Variants in PDE6A observed in about 807,000 individuals in gnomAD.
PDE6A encodes the protein phosphodiesterase 6A, also known as rod cGMP-specific 3',5'-cyclic phosphodiesterase subunit alpha.
PDE6A carries 84 observed loss-of-function variants against 106.3 expected under a neutral mutation model. That is an observed-to-expected ratio of 0.79 (90% CI 0.66 to 0.95). The LOEUF (loss-of-function observed/expected upper bound fraction) is 0.95. Among genes scored for constraint, PDE6A ranks in the 40% least tolerant of loss-of-function variants. The pLI is 0.00. For missense variants in PDE6A, 1,052 were observed against 1,084.9 expected (o/e 0.97, Z 0.43); for synonymous variants, 394 against 386.6 (o/e 1.02, Z -0.23).
chr5:149,862,986 C>T (rs1309626527), intron 21 of PDE6A, 133 bp downstream of exon 21: 52 of 1,121,544 alleles, frequency 4.6e-5, no homozygotes, highest in South Asian at 3.5e-4. Context: ...TGCTCTCACA[C>T]ACAGAATGGG....
intron 3 of PDE6A, chr5:149,932,710 A>G: frequency 1.3e-6 from 2 of 1,534,810 alleles, no homozygotes; most frequent in Non-Finnish European, 1.8e-6. Flanking sequence ...CACTCACCAA[A>G]TGTGTACCAA....
At chr5:149,871,706 A>C (rs1760562661) in intron 17 of PDE6A, among the ~76,000 whole-genome samples, 1 of 152,174 alleles carries the variant, frequency 6.6e-6, no homozygotes, top group African/African-American at 2.4e-5. Context: ...TTTTCATGCT[A>C]CGAGCAACAG....
At chr5:149,886,185 G>T in intron 14 of PDE6A, 80 bp downstream of exon 14, 1 of 1,042,398 alleles carries the variant, frequency 9.6e-7, no homozygotes. Flanking sequence ...TTCCCTGTTG[G>T]CCAGTGAGTC....
At chr5:149,875,312 G>C (rs923638740) in intron 17 of PDE6A, among the ~76,000 whole-genome samples, 2 of 152,110 alleles carry the variant, frequency 1.3e-5, no homozygotes, top group African/African-American at 4.8e-5. Context: ...AATGTCAACA[G>C]GGCTGAGACT....
In PDE6A at chr5:149,884,863, G is replaced by A. The variant is rs1752223896; in HGVS notation, c.1843C>T (p.Gln615Ter). ...GTNNLYQMKSQNPLAKLHGSS... is the reference protein window; with the variant it reads ...GTNNLYQMKS ...CCATGGAGCTTGGCCAGTGGGTTCT[G>A]GGATCTGAATGAGAAAGAGAGAGAA... Residue 615 changes from glutamine (Q) to a stop codon, truncating the protein, a stop_gained, in exon 15 of 22, where the codon CAG becomes TAG. Coordinates refer to ENST00000255266, the MANE Select transcript of PDE6A (RefSeq NM_000440.3). LOFTEE classifies it high-confidence loss of function. 1 of 1,612,858 alleles carries A rather than the reference G, an allele frequency of 6.2e-7. No individual in the cohort carries two copies. Among genetic ancestry groups the A allele is most frequent in the African/African-American group, 1.3e-5 (1 of 75,024 alleles).
intron 3 of PDE6A, chr5:149,932,158 C>G (rs1754052619): frequency 4.1e-6 from 5 of 1,220,536 alleles, no homozygotes; most frequent in Admixed American, 3.4e-5. Flanking sequence ...CTTAGTGAAG[C>G]TGCATCTACA....
At chr5:149,879,075 TTATC>T (rs922522241) in intron 17 of PDE6A, among the ~76,000 whole-genome samples, 6 of 152,052 alleles carry the variant, frequency 3.9e-5, no homozygotes, top group African/African-American at 4.8e-5. Context: ...ATTTATTTAT[TTATC>T]TATCTATCTT....
intron 8 of PDE6A, among the ~76,000 whole-genome samples, chr5:149,902,913 T>G (rs1753035171): frequency 6.6e-6 from 1 of 151,252 alleles, no homozygotes; most frequent in South Asian, 2.1e-4. Context: ...AGGTTGTCAT[T>G]GAAGGGCAGA....
chr5:149,892,794 TAGATAG>T (rs143594933), intron 13 of PDE6A, among the ~76,000 whole-genome samples: 11,686 of 152,256 alleles, frequency 0.077, 493 homozygotes, highest in South Asian at 0.18. Flanking sequence ...ATAAAATTTA[TAGATAG>T]AGATAAAGAG....
At chr5:149,904,772 A>G (rs114277270) in intron 7 of PDE6A, among the ~76,000 whole-genome samples, 3 of 151,884 alleles carry the variant, frequency 2.0e-5, no homozygotes, top group Non-Finnish European at 2.9e-5. Flanking sequence ...ATCAGTTACT[A>G]TCATTGTCTC....
intron 13 of PDE6A, among the ~76,000 whole-genome samples, chr5:149,889,014 C>G (rs1752435681): frequency 7.1e-6 from 1 of 140,680 alleles, no homozygotes; most frequent in Non-Finnish European, 1.5e-5. Flanking sequence ...ACCCGGGAGG[C>G]AGAGCTTGCA....
chr5:149,895,532 A>G (rs757017591), intron 12 of PDE6A, among the ~76,000 whole-genome samples: 3 of 151,976 alleles, frequency 2.0e-5, no homozygotes, highest in Non-Finnish European at 4.4e-5. Context: ...TTAGGAAACG[A>G]GGTGAGCATG....
At chr5:149,890,308 G>A (rs1432904345) in intron 13 of PDE6A, among the ~76,000 whole-genome samples, 2 of 151,934 alleles carry the variant, frequency 1.3e-5, no homozygotes, top group Non-Finnish European at 2.9e-5. Flanking sequence ...ATTAACTTTG[G>A]AATTTTTCAG....
At chr5:149,867,851 C>T (rs1760388091) in intron 18 of PDE6A, 52 bp from the exon 19 acceptor site, 1 of 1,533,654 alleles carries the variant, frequency 6.5e-7, no homozygotes, top group Non-Finnish European at 9.0e-7. Flanking sequence ...AGCCCAATCC[C>T]CTACCCCTGC....
chr5:149,919,630 T>G (rs874980), intron 5 of PDE6A, among the ~76,000 whole-genome samples: 46,031 of 152,058 alleles, frequency 0.3, 9,898 homozygotes, highest in African/African-American at 0.6. Context: ...ACTCACTGTA[T>G]CTCAGTCAAA....
chr5:149,868,042 T>G (rs1760396317), intron 18 of PDE6A, 53 bp downstream of exon 18: 2 of 1,550,196 alleles, frequency 1.3e-6, no homozygotes, highest in African/African-American at 1.4e-5. Flanking sequence ...CCTCATGACC[T>G]GATGCCCCCA....
rs1754130412 is a variant in PDE6A, at chr5:149,934,551, C to G, written c.627+15G>C. On this transcript the variant is annotated intron_variant, in intron 2 of 21. Transcript: ENST00000255266. ...GTGCTAGCATGGCTATCCTTAGTCT[C>G]TAAAGCATTCTTACCTCTTCATCTC... 1 of 1,613,824 alleles carries G rather than the reference C, an allele frequency of 6.2e-7. No homozygotes were observed.
intron 13 of PDE6A, among the ~76,000 whole-genome samples, chr5:149,890,931 CAA>C (rs1752521291): frequency 6.6e-6 from 1 of 152,188 alleles, no homozygotes; most frequent in African/African-American, 2.4e-5. Flanking sequence ...TGATCCAAGT[CAA>C]GTTACCTATG....
chr5:149,929,808 T>C (rs954961477), intron 4 of PDE6A, among the ~76,000 whole-genome samples: 3 of 152,184 alleles, frequency 2.0e-5, no homozygotes, highest in Non-Finnish European at 4.4e-5. Context: ...GTGCTGTTTG[T>C]CATGTTCTGT....
Sources: gnomAD v4.1 joint callset for allele counts (sites outside exome capture counted in the v4.1 genomes callset) on GRCh38, gnomAD v4.1.1 for gene constraint, MANE v1.5 for transcripts, NCBI Gene and HGNC (gene_info 2026-07-23, HGNC 2026-07-21) for gene names.